The following POSTN variants were observed in gnomAD, a reference collection of about 807,000 sequenced individuals.
POSTN encodes periostin.
In POSTN, 71 loss-of-function variants were observed where a neutral mutation model predicts 104.5. The ratio of observed to expected loss-of-function variants is 0.68; its 90% CI spans 0.56 to 0.83. The LOEUF is 0.83. POSTN is among the 40% of genes least tolerant of loss of function. The pLI, the probability that POSTN is intolerant of heterozygous loss-of-function variation, is 0.00. For missense variants in POSTN, 949 were observed against 1,006.8 expected (o/e 0.94, Z 0.78); for synonymous variants, 355 against 340.7 (o/e 1.04, Z -0.46).
At chr13:37,576,214 T>C (rs2138230387) in intron 16 of POSTN, among the ~76,000 whole-genome samples, 1 of 152,248 alleles carries the variant, frequency 6.6e-6, no homozygotes. Flanking sequence ...ATGAGGATAA[T>C]ATGCAGCAAA....
rs544088713 is a variant in POSTN, at chr13:37,577,178, G to T, written c.2008+575C>A. 4.6e-5 allele frequency among the ~76,000 whole-genome samples: 7 copies of T among 152,272 alleles called. No homozygotes were observed. The East Asian group carries it at 5.8e-4, about 13-fold the overall frequency. ...CCTTTATCATTGTTAAGTAGTAGAG[G>T]TTTAATTTTGATAATCTGGTTGTGT... On this transcript the variant is annotated intron_variant, in intron 16 of 22. Coordinates refer to ENST00000379747, the MANE Select transcript of POSTN (RefSeq NM_006475.3).
At chr13:37,589,635 A>C (rs1295631374) in intron 4 of POSTN, among the ~76,000 whole-genome samples, 1 of 152,206 alleles carries the variant, frequency 6.6e-6, no homozygotes, top group Non-Finnish European at 1.5e-5. Flanking sequence ...AGATGCGGTG[A>C]AAGACAACCA....
rs781413873 is a variant in POSTN at position 37,584,821 on chromosome 13, C to T, written c.1003G>A (p.Gly335Ser). The T allele has an allele frequency of 6.8e-6, 11 of 1,613,654 alleles. No individual in the cohort carries two copies. In the Middle Eastern group the frequency reaches 4.9e-4, roughly 72 times the overall value. The change falls in exon 8 of 23, where the codon GGT becomes AGT. Residue 335 changes from glycine (G) to serine (S), a missense_variant. Gly to Ser is a moderately conservative substitution (Grantham distance 56). Coordinates refer to ENST00000379747, the MANE Select transcript of POSTN (RefSeq NM_006475.3). ...ATTCCATTTACTGTTATACTGTCAC[C>T]GTCACATCCTATCTCAATTGTATTT... ...EGNTIEIGCDGDSITVNGIKM... is the reference protein window; with the variant it reads ...EGNTIEIGCDSDSITVNGIKM...
intron 21 of POSTN, among the ~76,000 whole-genome samples, chr13:37,567,003 G>A (rs1484906301): frequency 1.3e-5 from 2 of 151,378 alleles, no homozygotes; most frequent in African/African-American, 2.4e-5. Flanking sequence ...TTGGGAGGCC[G>A]AGGCGGGCGG....
At chr13:37,584,216 A>G in intron 8 of POSTN, 113 bp from the exon 9 acceptor site, 1 of 1,326,792 alleles carries the variant, frequency 7.5e-7, no homozygotes. Flanking sequence ...ATTTACTGCA[A>G]TGTCAGTGTG....
intron 21 of POSTN, among the ~76,000 whole-genome samples, chr13:37,568,301 G>A (rs1416022869): frequency 6.6e-6 from 1 of 152,028 alleles, no homozygotes; most frequent in Non-Finnish European, 1.5e-5. Flanking sequence ...TACTATTTAA[G>A]AGATTTTACG....
chr13:37,586,742 G>A, intron 6 of POSTN, 40 bp downstream of exon 6: 2 of 1,548,992 alleles, frequency 1.3e-6, no homozygotes, highest in Non-Finnish European at 1.8e-6. Flanking sequence ...GAGAAGAAGA[G>A]GGATTTCAAT....
rs780276994 is a variant in POSTN, at chr13:37,574,539, A to C, written c.2089+33T>G. On this transcript the variant is annotated intron_variant, in intron 17 of 22. Transcript: ENST00000379747. The stretch of plus-strand genomic sequence containing the variant: ...CAGTATTTTTACAGATGTTTTTACT[A>C]TAAAAGGAACCATGTATAACATTGA... 4 of 1,561,706 alleles carry C rather than the reference A, an allele frequency of 2.6e-6. No individual in the cohort carries two copies. In the East Asian group the frequency reaches 9.2e-5, roughly 36 times the overall value.
At chr13:37,574,432 T>G in intron 17 of POSTN, 140 bp downstream of exon 17, 2 of 1,178,164 alleles carry the variant, frequency 1.7e-6, no homozygotes, top group Non-Finnish European at 2.3e-6. Context: ...TGCAATTACA[T>G]GAGCATGCCA....
chr13:37,574,656 A>T lies in POSTN; in HGVS notation c.2009-4T>A, dbSNP rs560509936. Reference sequence around the variant, plus strand: ...ACTTTGGTTATAATTTTAGTTGCTGAAAGTATAGAAAGTGGAACATGAAAA... The same window carrying T: ...ACTTTGGTTATAATTTTAGTTGCTGTAAGTATAGAAAGTGGAACATGAAAA... On this transcript the variant is annotated splice_polypyrimidine_tract_variant and splice_region_variant and intron_variant, in intron 16 of 22. Coordinates refer to ENST00000379747, the MANE Select transcript of POSTN (RefSeq NM_006475.3). 1.6e-4 allele frequency: 253 copies of T among 1,580,044 alleles called. No homozygotes were observed. The highest frequency in any genetic ancestry group is 2.0e-4 in the Non-Finnish European group (238 of 1,169,408).
intron 11 of POSTN, 25 bp from the exon 12 acceptor site, chr13:37,580,016 T>C: frequency 6.2e-7 from 1 of 1,603,934 alleles, no homozygotes; most frequent in Non-Finnish European, 8.5e-7. Context: ...TGTATATGTA[T>C]TTTGTCAGAT....
At position 37,584,058 on chromosome 13, in the gene POSTN, G is replaced by A. The variant is rs200458518; in HGVS notation, c.1154C>T (p.Thr385Met). The A allele has an allele frequency of 1.8e-4, 297 of 1,613,760 alleles. 1 individual carries two copies. Among genetic ancestry groups the A allele is most frequent in the Middle Eastern group, 5.0e-4 (3 of 6,058 alleles). The change falls in exon 9 of 23, where the codon ACG (threonine) becomes ATG (methionine). Residue 385 changes from threonine to methionine, a missense_variant. Coordinates refer to ENST00000379747, the MANE Select transcript of POSTN (RefSeq NM_006475.3). Reference protein sequence around the residue: ...ELAGKQQTTFTDLVAQLGLAS... With the variant: ...ELAGKQQTTFMDLVAQLGLAS... ...CAAGCCTAATTGGGCCACAAGATCCGTGAAGGTGGTTTGCTGTTTTCCAGC... is the reference window on the plus strand; with the variant it reads ...CAAGCCTAATTGGGCCACAAGATCCATGAAGGTGGTTTGCTGTTTTCCAGC...
chr13:37,584,805 A>C lies in POSTN; in HGVS notation c.1019T>G (p.Val340Gly). ...TTTGTTCACCATTTTGATTCCATTT[A>C]CTGTTATACTGTCACCGTCACATCC... ...EIGCDGDSIT[V>G]NGIKMVNKKD... Residue 340 changes from valine to glycine, a missense_variant, in exon 8 of 23, where the codon GTA (valine) becomes GGA (glycine). Physicochemically the swap from Val to Gly is moderately radical, Grantham distance 109 (BLOSUM62 -3). Coordinates refer to ENST00000379747, the MANE Select transcript of POSTN (RefSeq NM_006475.3). The C allele has an allele frequency of 6.2e-7, 1 of 1,613,908 alleles. No individual in the cohort carries two copies. Among genetic ancestry groups the C allele is most frequent in the Non-Finnish European group, 8.5e-7 (1 of 1,179,880 alleles).
In POSTN at chr13:37,587,377, C is replaced by G. The variant is rs1163362574; in HGVS notation, c.606+445G>C. Among the ~76,000 whole-genome samples the G allele has an allele frequency of 2.6e-5, 4 of 152,154 alleles. No individual in the cohort carries two copies. The East Asian group carries it at 7.7e-4, about 29-fold the overall frequency. On this transcript the variant is annotated intron_variant, in intron 5 of 22. Transcript: ENST00000379747. ...CTAAAAATTGTTTCTTCATTGACCT[C>G]TTTCGTCCCTGAGAATTTGGCTGGC...
In POSTN at chr13:37,598,717, AG is replaced by A. The variant is rs1309885972; in HGVS notation, c.9del (p.Leu5TyrfsTer15). On this transcript the variant is annotated frameshift_variant, in exon 1 of 23. Transcript: ENST00000379747. LOFTEE classifies it high-confidence loss of function. ...AATAGTAGAGAAAACATGGGTAAAA[AG>A]GGAATCATCTTGAGTCTCTCCGTTG... MI[P>X]FLPMFSLLLL... The A allele has an allele frequency of 1.2e-6, 2 of 1,612,826 alleles. No homozygotes were observed. Among genetic ancestry groups the A allele is most frequent in the Non-Finnish European group, 1.7e-6 (2 of 1,179,116 alleles).
At chr13:37,595,046 G>T (rs1951046804) in intron 2 of POSTN, among the ~76,000 whole-genome samples, 1 of 76,920 alleles carries the variant, frequency 1.3e-5, no homozygotes. Context: ...TCAAAGTAGT[G>T]ATTTTTTTTT....
chr13:37,579,301 A>G lies in POSTN; in HGVS notation c.1719T>C (p.Ile573=). Residue 573 remains isoleucine, a synonymous_variant, in exon 13 of 23, where the codon ATT becomes ATC. Coordinates refer to ENST00000379747, the MANE Select transcript of POSTN (RefSeq NM_006475.3). ...ILYHLTPGVF[I]GKGFEPGVTN... ...TAACACCAGGTTCAAATCCTTTTCC[A>G]ATGAAAACTCCTGGTGTCAGGTGAT... is the stretch of plus-strand genomic sequence containing the variant. The G allele has an allele frequency of 3.1e-6, 5 of 1,603,064 alleles. No individual in the cohort carries two copies. Among genetic ancestry groups the G allele is most frequent in the Non-Finnish European group, 4.3e-6 (5 of 1,170,034 alleles).
rs1950678840 is a variant in POSTN, at chr13:37,584,122, C to T, written c.1109-19G>A. The T allele has an allele frequency of 6.2e-7, 1 of 1,612,866 alleles. No individual in the cohort carries two copies. The highest frequency in any genetic ancestry group is 1.3e-5 in the African/African-American group (1 of 74,860). ...TGTTTGGCTGAAAAATAAACCATCA[C>T]CATCACAACAATGTCATCATTGCTA... On this transcript the variant is annotated intron_variant, in intron 8 of 22. Transcript: ENST00000379747.
rs1299505264 is a variant in POSTN at position 37,569,730 on chromosome 13, C to T, written c.2347+14G>A. The T allele has an allele frequency of 1.4e-5, 21 of 1,555,300 alleles. No individual in the cohort carries two copies. The highest frequency in any genetic ancestry group is 1.7e-5 in the Non-Finnish European group (19 of 1,128,638). The stretch of plus-strand genomic sequence containing the variant: ...TAGGTAAAGTCACATTCTTATTTTC[C>T]TAGAAATGCTGACCTTCTTGTAACA... On this transcript the variant is annotated intron_variant, in intron 20 of 22. Coordinates refer to ENST00000379747, the MANE Select transcript of POSTN (RefSeq NM_006475.3).
Sources: gnomAD v4.1 joint callset for allele counts (sites outside exome capture counted in the v4.1 genomes callset) on GRCh38, gnomAD v4.1.1 for gene constraint, MANE v1.5 for transcripts, NCBI Gene and HGNC (gene_info 2026-07-23, HGNC 2026-07-21) for gene names.